Variants in VDAC1 observed in about 807,000 individuals in gnomAD.
The protein encoded by VDAC1 is voltage dependent anion channel 1.
Under a neutral mutation model 34.7 loss-of-function variants are expected in VDAC1, and 10 were observed. That is an observed-to-expected ratio of 0.29 (90% CI 0.18 to 0.49). The LOEUF (loss-of-function observed/expected upper bound fraction) is 0.49, where lower values mean the gene tolerates loss of function less well. Among genes scored for constraint, VDAC1 ranks in the 20% least tolerant of loss-of-function variants. VDAC1 has a pLI of 0.99. For synonymous variants in VDAC1, 130 were observed against 136.0 expected (o/e 0.96, Z 0.30); for missense variants, 230 against 347.9 (o/e 0.66, Z 2.69).
the VDAC1 span, among the ~76,000 whole-genome samples, chr5:134,050,292 G>T: frequency 3.3e-5 from 5 of 152,104 alleles, no homozygotes; most frequent in Non-Finnish European, 7.3e-5. Flanking sequence ...ACCTTCTCTT[G>T]TTCAATATTA....
chr5:134,001,546 C>G (rs867336023), intron 1 of VDAC1, among the ~76,000 whole-genome samples: 1 of 151,906 alleles, frequency 6.6e-6, no homozygotes, highest in South Asian at 2.1e-4. Flanking sequence ...GAAACCCCAT[C>G]TCTACTAAAA....
chr5:134,033,587 C>A, the VDAC1 span, among the ~76,000 whole-genome samples: 2 of 150,170 alleles, frequency 1.3e-5, no homozygotes, highest in African/African-American at 4.9e-5. Flanking sequence ...ATTTCCGGGT[C>A]TTAAAACTAT....
the VDAC1 span, among the ~76,000 whole-genome samples, chr5:134,110,672 A>G: frequency 6.6e-6 from 1 of 152,238 alleles, no homozygotes; most frequent in Admixed American, 6.5e-5. Flanking sequence ...GCAAGCCCCA[A>G]CAGGATGCCA....
rs116332614 is a variant in VDAC1, at chr5:133,992,505, G to T, written c.68-150C>A. 485 of 511,440 alleles carry T rather than the reference G, an allele frequency of 9.5e-4. 2 individuals are homozygous for T. In the East Asian group the frequency reaches 0.012, roughly 13 times the overall value. The allele number at this position is 511,440 out of a possible 1,614,324, so 31.7% of individuals were successfully genotyped here. On this transcript the variant is annotated intron_variant, in intron 2 of 8. Transcript: ENST00000265333. ...GCACCCAGTCTCTGCTGCTGCTCGT[G>T]GGGGGAGCTCTCAGCTGCCATGGAA...
chr5:133,975,803 C>A, intron 7 of VDAC1, 68 bp downstream of exon 7: 1 of 1,590,764 alleles, frequency 6.3e-7, no homozygotes, highest in Admixed American at 1.7e-5. Context: ...CTCCAGCAAA[C>A]CTGAAGGATT....
intron 2 of VDAC1, among the ~76,000 whole-genome samples, chr5:133,992,739 C>T (rs1753152822): frequency 6.6e-6 from 1 of 152,272 alleles, no homozygotes; most frequent in Non-Finnish European, 1.5e-5. Context: ...AGAATACCCA[C>T]TTGACAGCAC....
At chr5:134,042,101 T>C in the VDAC1 span, among the ~76,000 whole-genome samples, 7 of 152,164 alleles carry the variant, frequency 4.6e-5, no homozygotes, top group Non-Finnish European at 1.5e-5. Context: ...GAACCCCTTG[T>C]GGCAATGCTC....
chr5:134,050,437 A>G, the VDAC1 span, among the ~76,000 whole-genome samples: 1 of 152,192 alleles, frequency 6.6e-6, no homozygotes. Context: ...GATGCACTGA[A>G]GAGAAGCCCC....
the VDAC1 span, among the ~76,000 whole-genome samples, chr5:134,064,462 A>C: frequency 6.6e-6 from 1 of 151,758 alleles, no homozygotes; most frequent in Non-Finnish European, 1.5e-5. Context: ...TTGCCACTGC[A>C]CCTGGCTAAT....
At chr5:133,990,816 A>G (rs1464600805) in intron 5 of VDAC1, 39 bp downstream of exon 5, 1 of 1,515,222 alleles carries the variant, frequency 6.6e-7, no homozygotes, top group East Asian at 2.3e-5. Flanking sequence ...CTGCAACATC[A>G]GAGAACATCC....
chr5:134,093,899 C>T, the VDAC1 span, among the ~76,000 whole-genome samples: 2 of 152,208 alleles, frequency 1.3e-5, no homozygotes, highest in Non-Finnish European at 2.9e-5. Flanking sequence ...CTCTTGTGGG[C>T]CTTTCCCTAT....
chr5:134,092,391 A>G, the VDAC1 span, among the ~76,000 whole-genome samples: 109,854 of 152,100 alleles, frequency 0.72, 42,326 homozygotes, highest in Non-Finnish European at 0.87. Flanking sequence ...GCTTCTCCCT[A>G]TTTTGGAGAG....
chr5:134,091,034 C>A, the VDAC1 span, among the ~76,000 whole-genome samples: 1 of 152,118 alleles, frequency 6.6e-6, no homozygotes, highest in African/African-American at 2.4e-5. Flanking sequence ...ACAAAGTGGC[C>A]ACGGAACACT....
At chr5:134,111,982 A>G in the VDAC1 span, among the ~76,000 whole-genome samples, 4 of 152,186 alleles carry the variant, frequency 2.6e-5, 1 homozygote, top group Non-Finnish European at 5.9e-5. Flanking sequence ...ATGTGTGTGA[A>G]GCTCTTGACA....
the VDAC1 span, among the ~76,000 whole-genome samples, chr5:134,068,966 CTGTGTGTG>C: frequency 4.2e-3 from 577 of 136,652 alleles, 8 homozygotes; most frequent in South Asian, 0.011. Context: ...TGGGAGGTGA[CTGTGTGTG>C]TGTGTGTGTG....
At chr5:134,025,157 C>G in the VDAC1 span, among the ~76,000 whole-genome samples, 2 of 152,192 alleles carry the variant, frequency 1.3e-5, no homozygotes, top group African/African-American at 2.4e-5. Flanking sequence ...GCAGGCAGTA[C>G]AGGAAGCATG....
the VDAC1 span, among the ~76,000 whole-genome samples, chr5:134,054,349 G>A: frequency 6.6e-6 from 1 of 152,124 alleles, no homozygotes; most frequent in Non-Finnish European, 1.5e-5. Flanking sequence ...AGAAATGGAG[G>A]TAGTTCATTT....
At chr5:134,105,291 C>A in the VDAC1 span, among the ~76,000 whole-genome samples, 2,402 of 152,314 alleles carry the variant, frequency 0.016, 58 homozygotes, top group African/African-American at 0.054. Context: ...TGCTGCCCCC[C>A]ACTATCCTCA....
At chr5:134,063,672 G>C in the VDAC1 span, among the ~76,000 whole-genome samples, 376 of 152,208 alleles carry the variant, frequency 2.5e-3, 12 homozygotes, top group East Asian at 0.064. Flanking sequence ...AGGGCATCCT[G>C]GATTGTCCAG....
Sources: allele counts gnomAD v4.1 joint callset (sites outside exome capture counted in the v4.1 genomes callset), GRCh38; gene constraint gnomAD v4.1.1; transcripts MANE v1.5; gene names NCBI Gene and HGNC (gene_info 2026-07-23, HGNC 2026-07-21).